The following BCAR3 variants were observed in gnomAD, a reference collection of about 807,000 sequenced individuals.
The protein encoded by BCAR3 is BCAR3 adaptor protein, NSP family member.
A neutral mutation model predicts 80.1 loss-of-function variants in BCAR3; 37 were observed. The ratio of observed to expected loss-of-function variants is 0.46; its 90% CI spans 0.36 to 0.61. The LOEUF (loss-of-function observed/expected upper bound fraction) is 0.61. BCAR3 is among the 20% of genes least tolerant of loss of function. The pLI, the probability that BCAR3 is intolerant of heterozygous loss-of-function variation, is 0.00. For synonymous variants in BCAR3, 389 were observed against 418.9 expected (o/e 0.93, Z 0.87); for missense variants, 978 against 1,068.2 (o/e 0.92, Z 1.18).
At position 93,584,008 on chromosome 1, in the gene BCAR3, C is replaced by T. The variant is rs779986858; in HGVS notation, c.1033+10G>A. On this transcript the variant is annotated intron_variant, in intron 6 of 11. Transcript: ENST00000260502. ...ACTGACGTTCTCCCTGAAAATTCCCCGAAACATACCAATCGGCAGGTAGCT... is the reference window on the plus strand; with the variant it reads ...ACTGACGTTCTCCCTGAAAATTCCCTGAAACATACCAATCGGCAGGTAGCT... 19 of 1,612,946 alleles carry T rather than the reference C, an allele frequency of 1.2e-5. No individual in the cohort carries two copies. The highest frequency in any genetic ancestry group is 1.7e-4 in the Middle Eastern group (1 of 6,058).
chr1:93,580,558 T>C (rs1397491290), intron 7 of BCAR3, among the ~76,000 whole-genome samples: 1 of 152,172 alleles, frequency 6.6e-6, no homozygotes, highest in Admixed American at 6.5e-5. Flanking sequence ...TGTAGACTTT[T>C]TTCCTTGCCA....
intron 2 of BCAR3, among the ~76,000 whole-genome samples, chr1:93,749,327 G>C (rs1053142279): frequency 1.3e-5 from 2 of 151,970 alleles, no homozygotes; most frequent in Non-Finnish European, 2.9e-5. Context: ...GGTGGATCAC[G>C]CCTGTAATCC....
At chr1:93,765,443 T>A (rs1281148977) in intron 2 of BCAR3, among the ~76,000 whole-genome samples, 2 of 152,136 alleles carry the variant, frequency 1.3e-5, no homozygotes, top group African/African-American at 4.8e-5. Context: ...CCAGTCAGCA[T>A]CTCTTTTCTT....
intron 7 of BCAR3, among the ~76,000 whole-genome samples, chr1:93,577,772 GT>G (rs1673515391): frequency 6.6e-6 from 1 of 150,708 alleles, no homozygotes. Context: ...TCTGAGGGGT[GT>G]CCCCCACGCT....
chr1:93,605,958 T>C (rs886109194), intron 3 of BCAR3, among the ~76,000 whole-genome samples: 4 of 152,092 alleles, frequency 2.6e-5, no homozygotes, highest in Non-Finnish European at 2.9e-5. Flanking sequence ...ACTTTCAAAT[T>C]CTCTCTCTCC....
At chr1:93,727,098 T>C (rs1038556484) in intron 2 of BCAR3, among the ~76,000 whole-genome samples, 11 of 152,354 alleles carry the variant, frequency 7.2e-5, no homozygotes, top group African/African-American at 2.6e-4. Context: ...TTTGTTTCCT[T>C]GCGCATTTTG....
chr1:93,838,483 T>C (rs915436831), intron 2 of BCAR3, among the ~76,000 whole-genome samples: 2 of 152,144 alleles, frequency 1.3e-5, no homozygotes, highest in African/African-American at 4.8e-5. Context: ...CCCCACTAGG[T>C]CTGACCTCCA....
intron 3 of BCAR3, among the ~76,000 whole-genome samples, chr1:93,624,025 C>T (rs186916328): frequency 2.0e-5 from 3 of 152,246 alleles, no homozygotes; most frequent in East Asian, 3.9e-4. Context: ...TCAAGGATAA[C>T]AATACACGAA....
intron 2 of BCAR3, among the ~76,000 whole-genome samples, chr1:93,655,666 C>A (rs1485232462): frequency 1.3e-5 from 2 of 152,234 alleles, no homozygotes; most frequent in Admixed American, 6.5e-5. Flanking sequence ...TTACTACTTA[C>A]TTCTGTGGCT....
intron 3 of BCAR3, among the ~76,000 whole-genome samples, chr1:93,609,723 C>A (rs373299330): frequency 5.1e-4 from 77 of 152,352 alleles, no homozygotes; most frequent in African/African-American, 1.8e-3. Context: ...AGCGGCCACT[C>A]CCTGTGCTCC....
At chr1:93,588,355 T>C (rs1158329831) in intron 5 of BCAR3, among the ~76,000 whole-genome samples, 1 of 152,050 alleles carries the variant, frequency 6.6e-6, no homozygotes, top group Admixed American at 6.6e-5. Flanking sequence ...TCCACTCCAC[T>C]CCTGCAGCCG....
At chr1:93,681,470 C>G (rs1346635182) in intron 1 of BCAR3, 128 bp downstream of exon 1, 1 of 152,304 alleles carries the variant, frequency 6.6e-6, no homozygotes, top group Admixed American at 6.5e-5. Flanking sequence ...CAAACGCCGG[C>G]TCTACTTTCC....
chr1:93,618,804 C>T (rs1675215899), intron 3 of BCAR3, among the ~76,000 whole-genome samples: 2 of 152,180 alleles, frequency 1.3e-5, no homozygotes, highest in Admixed American at 6.5e-5. Flanking sequence ...AGTCATGGGC[C>T]CTCCTTCTAG....
intron 2 of BCAR3, among the ~76,000 whole-genome samples, chr1:93,643,447 G>A (rs138064679): frequency 8.7e-4 from 129 of 147,638 alleles, no homozygotes; most frequent in African/African-American, 3.2e-3. Context: ...TTGGGAGGCT[G>A]AGGCAGGAGA....
At chr1:93,632,192 T>C (rs1675643394) in intron 3 of BCAR3, among the ~76,000 whole-genome samples, 1 of 152,190 alleles carries the variant, frequency 6.6e-6, no homozygotes, top group South Asian at 2.1e-4. Flanking sequence ...GCCCAAGGAC[T>C]CACTTTTGTT....
intron 7 of BCAR3, among the ~76,000 whole-genome samples, chr1:93,579,301 C>T (rs1673602833): frequency 1.3e-5 from 2 of 152,222 alleles, no homozygotes; most frequent in Admixed American, 6.5e-5. Flanking sequence ...TTGTATTTCC[C>T]TCTTAGAGAT....
intron 2 of BCAR3, among the ~76,000 whole-genome samples, chr1:93,672,892 C>T (rs1262104882): frequency 2.0e-5 from 3 of 152,292 alleles, no homozygotes; most frequent in South Asian, 2.1e-4. Flanking sequence ...AACTCTTGTT[C>T]GCCTAGCTTT....
chr1:93,823,513 G>T (rs10782969), intron 2 of BCAR3, among the ~76,000 whole-genome samples: 130,974 of 131,876 alleles, frequency 0.99, 65,246 homozygotes, highest in East Asian at 1. Context: ...TTGGAAATGA[G>T]GAGAGGAAAA....
chr1:93,564,401 C>T (rs1291755050), intron 11 of BCAR3, among the ~76,000 whole-genome samples: 1 of 151,354 alleles, frequency 6.6e-6, no homozygotes, highest in Non-Finnish European at 1.5e-5. Context: ...GCCTCAGCCT[C>T]CCGAGTAGCT....
Sources: allele counts gnomAD v4.1 joint callset (sites outside exome capture counted in the v4.1 genomes callset), GRCh38; gene constraint gnomAD v4.1.1; transcripts MANE v1.5; gene names NCBI Gene and HGNC (gene_info 2026-07-23, HGNC 2026-07-21).